The following CPED1 variants were observed in gnomAD, a reference collection of about 807,000 sequenced individuals.
The protein encoded by CPED1 is cadherin-like and PC-esterase domain-containing protein 1.
Under a neutral mutation model 128.2 loss-of-function variants are expected in CPED1, and 114 were observed. That is an observed-to-expected ratio of 0.89 (90% CI 0.76 to 1.04). The LOEUF (loss-of-function observed/expected upper bound fraction) is 1.04, where lower values mean the gene tolerates loss of function less well. Ranked by LOEUF, CPED1 falls within the 50% of genes least tolerant of loss-of-function variation. The pLI, the probability that CPED1 is intolerant of heterozygous loss-of-function variation, is 0.00. For synonymous variants in CPED1, 462 were observed against 426.7 expected (o/e 1.08, Z -1.02); for missense variants, 1,211 against 1,207.1 (o/e 1.00, Z -0.05).
At chr7:121,024,871 G>A (rs1015396826) in intron 3 of CPED1, among the ~76,000 whole-genome samples, 4 of 152,132 alleles carry the variant, frequency 2.6e-5, no homozygotes, top group Non-Finnish European at 4.4e-5. Flanking sequence ...GCTTTCAAAC[G>A]ACAGTTTGTG....
At chr7:121,044,277 A>C (rs1793131983) in intron 3 of CPED1, among the ~76,000 whole-genome samples, 1 of 152,184 alleles carries the variant, frequency 6.6e-6, no homozygotes, top group Non-Finnish European at 1.5e-5. Flanking sequence ...GAAAAGGTCT[A>C]CTAAATGTTT....
At chr7:121,087,629 T>A (rs1361190073) in intron 5 of CPED1, among the ~76,000 whole-genome samples, 1 of 151,088 alleles carries the variant, frequency 6.6e-6, no homozygotes, top group Non-Finnish European at 1.5e-5. Flanking sequence ...TGACAAAGAG[T>A]TCAAGCTCAA....
chr7:121,291,243 T>C (rs955602474), intron 22 of CPED1, among the ~76,000 whole-genome samples: 1 of 152,226 alleles, frequency 6.6e-6, no homozygotes, highest in Non-Finnish European at 1.5e-5. Context: ...GTGTGATGCC[T>C]CCAGCTTTGT....
chr7:121,073,851 A>G (rs2116101395), intron 5 of CPED1, among the ~76,000 whole-genome samples: 2 of 147,232 alleles, frequency 1.4e-5, no homozygotes, highest in South Asian at 2.1e-4. Flanking sequence ...TTATTTCACA[A>G]TTTCCTTGAC....
intron 22 of CPED1, among the ~76,000 whole-genome samples, chr7:121,283,892 A>G (rs560894264): frequency 6.6e-6 from 1 of 152,286 alleles, no homozygotes; most frequent in East Asian, 1.9e-4. Flanking sequence ...GTGGGTTTCC[A>G]AAGCCCGGGC....
At chr7:121,027,668 T>A (rs1792624729) in intron 3 of CPED1, among the ~76,000 whole-genome samples, 1 of 151,762 alleles carries the variant, frequency 6.6e-6, no homozygotes, top group South Asian at 2.1e-4. Flanking sequence ...TAACATTCTT[T>A]CAGATTTCAT....
chr7:121,211,321 A>T (rs969209035), intron 16 of CPED1, among the ~76,000 whole-genome samples: 29 of 152,084 alleles, frequency 1.9e-4, no homozygotes, highest in African/African-American at 6.8e-4. Context: ...AGGCAGAGGG[A>T]CTCACTGGGA....
At chr7:121,049,917 G>A (rs1793305199) in intron 4 of CPED1, among the ~76,000 whole-genome samples, 1 of 152,172 alleles carries the variant, frequency 6.6e-6, no homozygotes, top group Admixed American at 6.5e-5. Flanking sequence ...TAAAGCCAAG[G>A]ATGCTGCTAA....
chr7:121,199,140 A>G (rs1042674642), intron 16 of CPED1, among the ~76,000 whole-genome samples: 4 of 152,116 alleles, frequency 2.6e-5, no homozygotes, highest in African/African-American at 9.7e-5. Flanking sequence ...TAAGAAGAAC[A>G]TAACAAGGGG....
At chr7:121,173,944 A>T (rs968718972) in intron 16 of CPED1, among the ~76,000 whole-genome samples, 1 of 152,082 alleles carries the variant, frequency 6.6e-6, no homozygotes, top group Non-Finnish European at 1.5e-5. Context: ...GTGAGATAGT[A>T]TCTCATTGTG....
chr7:121,168,547 T>C (rs1796584364), intron 16 of CPED1, among the ~76,000 whole-genome samples: 1 of 152,216 alleles, frequency 6.6e-6, no homozygotes, highest in Non-Finnish European at 1.5e-5. Flanking sequence ...TCATGGAGAA[T>C]GGGATATCCA....
chr7:121,075,630 T>G (rs1220445685), intron 5 of CPED1, among the ~76,000 whole-genome samples: 1 of 152,104 alleles, frequency 6.6e-6, no homozygotes, highest in Non-Finnish European at 1.5e-5. Context: ...GCCCGGCTAA[T>G]TTTTGTTATT....
At chr7:121,244,143 T>G (rs1331686600) in intron 17 of CPED1, 59 bp from the exon 18 acceptor site, 1 of 1,605,252 alleles carries the variant, frequency 6.2e-7, no homozygotes, top group East Asian at 2.2e-5. Context: ...AATTTTAAAG[T>G]TACTTACAAA....
Position 121,115,965 on chromosome 7 carries a change from A to G in CPED1, c.919-8366A>G, listed in dbSNP as rs546876328. Among the ~76,000 whole-genome samples, 4 of 152,282 alleles carry G rather than the reference A, an allele frequency of 2.6e-5. No individual in the cohort carries two copies. In the East Asian group the frequency reaches 5.8e-4, roughly 22 times the overall value. On this transcript the variant is annotated intron_variant, in intron 7 of 22. Transcript: ENST00000310396. ...ATCCCACTGAGAAATTCCAGAAGGG[A>G]TAATAAAGAAAACCTGCCAGTTTTC...
At chr7:121,196,434 A>G (rs893691455) in intron 16 of CPED1, among the ~76,000 whole-genome samples, 4 of 152,148 alleles carry the variant, frequency 2.6e-5, no homozygotes, top group African/African-American at 4.8e-5. Context: ...TAATAAACCC[A>G]TAAAACTCTC....
chr7:121,124,673 A>C lies in CPED1; in HGVS notation c.1061+200A>C, dbSNP rs771132569. Among the ~76,000 whole-genome samples the C allele has an allele frequency of 3.9e-5, 6 of 152,176 alleles. No individual in the cohort carries two copies. The East Asian group carries it at 1.2e-3, about 29-fold the overall frequency. ...AAACTTTAGAACGTGTGGCAGACTC[A>C]GTAGTATCTAAATAGTGGTAACAAG... On this transcript the variant is annotated intron_variant, in intron 8 of 22. Coordinates refer to ENST00000310396, the MANE Select transcript of CPED1 (RefSeq NM_024913.5).
chr7:120,994,627 G>C (rs1393475560), intron 2 of CPED1, among the ~76,000 whole-genome samples: 1 of 110,746 alleles, frequency 9.0e-6, no homozygotes, highest in Non-Finnish European at 2.0e-5. Flanking sequence ...TTGTTATACT[G>C]TGTGTGTGTG....
chr7:121,194,039 TATATA>T (rs1563060916), intron 16 of CPED1, among the ~76,000 whole-genome samples: 8 of 112,612 alleles, frequency 7.1e-5, no homozygotes, highest in African/African-American at 2.1e-4. Context: ...TATATATATA[TATATA>T]TATATTTTTT....
At chr7:121,247,138 T>C (rs1406275455) in intron 18 of CPED1, among the ~76,000 whole-genome samples, 1 of 152,202 alleles carries the variant, frequency 6.6e-6, no homozygotes, top group African/African-American at 2.4e-5. Context: ...GCAGAGGCTG[T>C]GTAATGGGAA....
Sources: allele counts gnomAD v4.1 joint callset (sites outside exome capture counted in the v4.1 genomes callset), GRCh38; gene constraint gnomAD v4.1.1; transcripts MANE v1.5; gene names NCBI Gene and HGNC (gene_info 2026-07-23, HGNC 2026-07-21).